Variants in TCN2 observed in about 807,000 individuals in gnomAD.
The protein encoded by TCN2 is transcobalamin-2.
TCN2 carries 34 observed loss-of-function variants against 48.6 expected under a neutral mutation model. The observed-to-expected ratio is 0.70, with a 90% CI of 0.53 to 0.93. The LOEUF is 0.93. TCN2 is among the 40% of genes least tolerant of loss of function. The pLI is 0.00. For missense variants in TCN2, 652 were observed against 526.1 expected (o/e 1.24, Z -2.34); for synonymous variants, 283 against 212.5 (o/e 1.33, Z -2.89).
intron 7 of TCN2, among the ~76,000 whole-genome samples, chr22:30,617,980 A>T (rs1263903423): frequency 6.6e-6 from 1 of 151,972 alleles, no homozygotes; most frequent in Non-Finnish European, 1.5e-5. Flanking sequence ...CAATCTTATC[A>T]CCCAGGCTGG....
intron 1 of TCN2, among the ~76,000 whole-genome samples, chr22:30,609,393 C>G (rs949601533): frequency 1.3e-5 from 2 of 152,156 alleles, no homozygotes; most frequent in East Asian, 1.9e-4. Context: ...CTTTTATTAC[C>G]CTGCGTGAAT....
At chr22:30,621,417 G>A (rs72550763) in intron 7 of TCN2, among the ~76,000 whole-genome samples, 2,005 of 152,216 alleles carry the variant, frequency 0.013, 24 homozygotes, top group Non-Finnish European at 0.02. Context: ...TTACTTTGAC[G>A]GTCTCACCTC....
chr22:30,612,082 A>G (rs1301678109), intron 2 of TCN2, among the ~76,000 whole-genome samples: 1 of 151,900 alleles, frequency 6.6e-6, no homozygotes, highest in Non-Finnish European at 1.5e-5. Context: ...TAAAAAAAAG[A>G]AAAAGAAAAA....
At chr22:30,615,018 C>T (rs537522603) in intron 4 of TCN2, among the ~76,000 whole-genome samples, 3 of 152,332 alleles carry the variant, frequency 2.0e-5, no homozygotes, top group South Asian at 2.1e-4. Context: ...CTCCTCCAGT[C>T]CTTCTCCCTA....
Position 30,610,877 on chromosome 22 carries a change from C to A in TCN2, c.71C>A (p.Pro24Gln). 1 of 1,614,164 alleles carries A rather than the reference C, an allele frequency of 6.2e-7. No individual in the cohort carries two copies. The highest frequency in any genetic ancestry group is 1.1e-5 in the South Asian group (1 of 91,084). ...TACCATTTTCTTTTCTAAGAAATAC[C>A]AGAGATGGACAGCCATCTGGTAGAG... is the stretch of plus-strand genomic sequence containing the variant. ...LGALTEMCEIPEMDSHLVEKL... is the reference protein window; with the variant it reads ...LGALTEMCEIQEMDSHLVEKL... Residue 24 changes from proline to glutamine, a missense_variant, in exon 2 of 9, where the codon CCA (proline) becomes CAA (glutamine). Pro to Gln is a moderately conservative substitution (Grantham distance 76). Coordinates refer to ENST00000215838, the MANE Select transcript of TCN2 (RefSeq NM_000355.4).
rs1178324711 is a variant in TCN2, at chr22:30,615,350, C to G, written c.630C>G (p.Asn210Lys). The stretch of plus-strand genomic sequence containing the variant: ...CATTCACCTGTCTGAAGCGCTCAAA[C>G]TTCAACCCTGGTCGGAGACAACGGA... ...GLAFTCLKRS[N>K]FNPGRRQRIT... The change falls in exon 5 of 9, where the codon AAC (asparagine) becomes AAG (lysine). Residue 210 changes from asparagine (N) to lysine (K), a missense_variant. Physicochemically the swap from Asn to Lys is moderately conservative, Grantham distance 94. Transcript: ENST00000215838. 1.9e-6 allele frequency: 3 copies of G among 1,614,094 alleles called. No homozygotes were observed. The highest frequency in any genetic ancestry group is 2.5e-6 in the Non-Finnish European group (3 of 1,180,060).
chr22:30,613,416 A>G (rs1276721781), intron 3 of TCN2, among the ~76,000 whole-genome samples: 1 of 152,154 alleles, frequency 6.6e-6, no homozygotes, highest in East Asian at 1.9e-4. Context: ...AGTAGCTGGG[A>G]TTACAGGCAT....
chr22:30,622,915 C>T, intron 7 of TCN2, 53 bp from the exon 8 acceptor site: 3 of 1,581,714 alleles, frequency 1.9e-6, no homozygotes, highest in Middle Eastern at 1.7e-4. Context: ...CTGCCTCTCC[C>T]CTTAGGGACA....
chr22:30,607,438 C>T (rs747161924), intron 1 of TCN2, 43 bp downstream of exon 1: 2 of 1,610,864 alleles, frequency 1.2e-6, no homozygotes. Flanking sequence ...CCTCCTGGGT[C>T]CTTAGTGGGG....
intron 6 of TCN2, among the ~76,000 whole-genome samples, chr22:30,616,417 G>A (rs993472210): frequency 6.6e-6 from 1 of 151,596 alleles, no homozygotes; most frequent in Non-Finnish European, 1.5e-5. Flanking sequence ...GAACCTCAGA[G>A]GTGGAGGTTG....
At chr22:30,611,197 C>T (rs968652627) in intron 2 of TCN2, 134 bp downstream of exon 2, 3 of 1,042,384 alleles carry the variant, frequency 2.9e-6, no homozygotes, top group African/African-American at 1.6e-5. Flanking sequence ...AATGGAGGAC[C>T]TTTGTCCATC....
chr22:30,614,613 C>G (rs544360008), intron 4 of TCN2, 112 bp downstream of exon 4: 2 of 1,469,402 alleles, frequency 1.4e-6, no homozygotes, highest in South Asian at 2.4e-5. Context: ...GGGGCTCCTC[C>G]GAATCAAGTC....
At position 30,623,026 on chromosome 22, in the gene TCN2, G is replaced by T; in HGVS notation, c.1165G>T (p.Ala389Ser). ...PYLTSVMGKA[A>S]GEREFWQLLR... is the part of the protein sequence containing the mutation. ...CTTAACCTCCGTGATGGGGAAAGCG[G>T]CCGGAGAAAGGGAGTTCTGGCAGCT... Residue 389 changes from alanine (A) to serine (S), a missense_variant, in exon 8 of 9, where the codon GCC (alanine) becomes TCC (serine). By Grantham distance (99) the Ala-to-Ser change is moderately conservative. Coordinates refer to ENST00000215838, the MANE Select transcript of TCN2 (RefSeq NM_000355.4). 6.2e-7 allele frequency: 1 copy of T among 1,614,000 alleles called. No individual in the cohort carries two copies. The highest frequency in any genetic ancestry group is 8.5e-7 in the Non-Finnish European group (1 of 1,180,002).
rs755402145 is a variant in TCN2 at position 30,614,419 on chromosome 22, C to T, written c.498C>T (p.Leu166=). The change falls in exon 4 of 9, where the codon CTC becomes CTT. Residue 166 remains leucine (L), a synonymous_variant. Transcript: ENST00000215838. ...GCCTGGGCATTCTGGCCCTGTGTCT[C>T]CACCAGAAGCGGGTCCATGACAGCG... is the stretch of plus-strand genomic sequence containing the variant. ...QYGLGILALC[L]HQKRVHDSVV... is the part of the protein sequence containing the mutation. The T allele has an allele frequency of 6.2e-7, 1 of 1,614,160 alleles. No individual in the cohort carries two copies. The highest frequency in any genetic ancestry group is 1.1e-5 in the South Asian group (1 of 91,076).
At chr22:30,623,559 C>CT (rs2087730727) in intron 8 of TCN2, among the ~76,000 whole-genome samples, 1 of 151,570 alleles carries the variant, frequency 6.6e-6, no homozygotes, top group Non-Finnish European at 1.5e-5. Context: ...GCCAAAATTA[C>CT]TTAACTTTTC....
chr22:30,607,547 T>TCC (rs2087471196), intron 1 of TCN2, 152 bp downstream of exon 1: 8 of 730,224 alleles, frequency 1.1e-5, no homozygotes, highest in Non-Finnish European at 1.8e-5. Flanking sequence ...CCTATTGTGA[T>TCC]TGATTATATG....
At chr22:30,619,528 C>T in intron 7 of TCN2, among the ~76,000 whole-genome samples, 1 of 152,332 alleles carries the variant, frequency 6.6e-6, no homozygotes, top group East Asian at 1.9e-4. Context: ...TTTGACAGGT[C>T]CTGTCCATGA....
chr22:30,626,823 C>T lies in TCN2; in HGVS notation c.*302C>T. On this transcript the variant is annotated 3_prime_UTR_variant, in exon 9 of 9. Transcript: ENST00000215838. ...GATGGGCATGAAGCATCTCAGACTC[C>T]TTGGCAAAAAACGGAGTCCGCAGGC... 1 of 517,836 alleles carries T rather than the reference C, an allele frequency of 1.9e-6. No homozygotes were observed. Among genetic ancestry groups the T allele is most frequent in the Admixed American group, 3.2e-5 (1 of 31,060 alleles). 32.1% of individuals were successfully genotyped at this position (517,836 alleles called of 1,614,324 possible).
intron 1 of TCN2, 152 bp downstream of exon 1, chr22:30,607,547 T>A: frequency 1.4e-6 from 1 of 730,342 alleles, no homozygotes; most frequent in Non-Finnish European, 2.3e-6. Context: ...CCTATTGTGA[T>A]TGATTATATG....
Sources: allele counts gnomAD v4.1 joint callset (sites outside exome capture counted in the v4.1 genomes callset), GRCh38; gene constraint gnomAD v4.1.1; transcripts MANE v1.5; gene names NCBI Gene and HGNC (gene_info 2026-07-23, HGNC 2026-07-21).